TPRG1: variants seen among roughly 807,000 people sequenced by gnomAD.
The protein encoded by TPRG1 is tumor protein p63 regulated 1.
A neutral mutation model predicts 29.3 loss-of-function variants in TPRG1; 29 were observed. That is an observed-to-expected ratio of 0.99 (90% CI 0.74 to 1.35). The LOEUF (loss-of-function observed/expected upper bound fraction) is 1.35. Among genes scored for constraint, TPRG1 ranks in the 40% most tolerant of loss-of-function variants. The probability of loss-of-function intolerance (pLI) is 0.00; values close to 1 mark genes in which losing one functional copy is unlikely to be tolerated. For synonymous variants in TPRG1, 130 were observed against 116.8 expected, an observed-to-expected ratio of 1.11 and a Z score of -0.73; for missense variants, 327 against 335.0, an observed-to-expected ratio of 0.98 and a Z score of 0.19.
intron 2 of TPRG1, among the ~76,000 whole-genome samples, chr3:189,209,537 A>G (rs1398311940): frequency 6.6e-6 from 1 of 152,144 alleles, no homozygotes; most frequent in East Asian, 1.9e-4. Context: ...TCCCCAGAGC[A>G]ATACTGGGAG....
intron 1 of TPRG1, among the ~76,000 whole-genome samples, chr3:189,183,439 G>C (rs1578705761): frequency 6.6e-6 from 1 of 152,220 alleles, no homozygotes; most frequent in African/African-American, 2.4e-5. Flanking sequence ...ATCTTATCAG[G>C]AGAAGGGTTT....
intron 4 of TPRG1, among the ~76,000 whole-genome samples, chr3:189,282,263 A>G (rs1717283429): frequency 6.9e-6 from 1 of 145,620 alleles, no homozygotes; most frequent in South Asian, 2.2e-4. Context: ...AATCTTAGGC[A>G]TCAGTGGATA....
intron 3 of TPRG1, among the ~76,000 whole-genome samples, chr3:189,140,144 G>A (rs1724348262): frequency 6.6e-6 from 1 of 152,206 alleles, no homozygotes; most frequent in Non-Finnish European, 1.5e-5. Context: ...GAAAGAAGGT[G>A]AAGGACTCAG....
chr3:189,042,994 C>A (rs1177454812), intron 4 of TPRG1, among the ~76,000 whole-genome samples: 3 of 152,136 alleles, frequency 2.0e-5, no homozygotes, highest in Admixed American at 6.5e-5. Flanking sequence ...TAACCAGAGA[C>A]AATGACCACA....
chr3:189,159,009 C>T (rs1727088634), intron 5 of TPRG1, among the ~76,000 whole-genome samples: 1 of 151,378 alleles, frequency 6.6e-6, no homozygotes, highest in Admixed American at 6.6e-5. Flanking sequence ...ATTCTGAAAG[C>T]TGTTAAAAAA....
chr3:189,307,619 G>A (rs1721833580), intron 4 of TPRG1, among the ~76,000 whole-genome samples: 3 of 152,126 alleles, frequency 2.0e-5, no homozygotes, highest in Admixed American at 2.0e-4. Context: ...ATATTTTGTA[G>A]CCTTAGCCCA....
intron 4 of TPRG1, among the ~76,000 whole-genome samples, chr3:189,027,528 C>T (rs1040583923): frequency 2.0e-5 from 3 of 152,250 alleles, no homozygotes; most frequent in Non-Finnish European, 4.4e-5. Context: ...ATGGTGTATG[C>T]AAGACAAGCC....
intron 4 of TPRG1, among the ~76,000 whole-genome samples, chr3:189,093,172 A>G (rs1718449703): frequency 6.6e-6 from 1 of 152,190 alleles, no homozygotes; most frequent in Non-Finnish European, 1.5e-5. Context: ...GAAATAAAAG[A>G]AAGTAAACTC....
chr3:189,147,987 C>G (rs752819165), intron 4 of TPRG1, among the ~76,000 whole-genome samples: 1 of 152,166 alleles, frequency 6.6e-6, no homozygotes, highest in Non-Finnish European at 1.5e-5. Flanking sequence ...AATCCTTTCT[C>G]AATCTTCGAG....
chr3:189,020,580 A>C, intron 3 of TPRG1, among the ~76,000 whole-genome samples: 1 of 151,546 alleles, frequency 6.6e-6, no homozygotes, highest in East Asian at 1.9e-4. Flanking sequence ...GTTTGATTGC[A>C]CTGAGGTCTG....
chr3:189,179,084 T>C (rs1246824481), intron 1 of TPRG1, among the ~76,000 whole-genome samples: 1 of 152,334 alleles, frequency 6.6e-6, no homozygotes, highest in East Asian at 1.9e-4. Flanking sequence ...CTCACATTAA[T>C]GTCTTCCTCT....
chr3:189,238,134 T>C (rs1409146428), intron 3 of TPRG1, among the ~76,000 whole-genome samples: 1 of 152,192 alleles, frequency 6.6e-6, no homozygotes, highest in Non-Finnish European at 1.5e-5. Flanking sequence ...CTTATCTACT[T>C]TACTCTGGTT....
intron 4 of TPRG1, among the ~76,000 whole-genome samples, chr3:189,035,032 A>G (rs918686920): frequency 3.9e-5 from 6 of 152,202 alleles, no homozygotes; most frequent in African/African-American, 9.7e-5. Flanking sequence ...AAAAAACTTC[A>G]AACTATATTA....
At chr3:189,129,464 TC>T (rs1331775116) in intron 2 of TPRG1, among the ~76,000 whole-genome samples, 2 of 152,334 alleles carry the variant, frequency 1.3e-5, no homozygotes, top group South Asian at 2.1e-4. Context: ...GCTGGATTTT[TC>T]CACTGTAAAT....
intron 1 of TPRG1, among the ~76,000 whole-genome samples, chr3:189,193,747 T>C (rs886821898): frequency 2.6e-5 from 4 of 151,380 alleles, no homozygotes; most frequent in Non-Finnish European, 5.9e-5. Context: ...GCGGGATTTC[T>C]GTTTGCTGCT....
chr3:189,307,496 G>A (rs1721817762), intron 4 of TPRG1, among the ~76,000 whole-genome samples: 1 of 152,190 alleles, frequency 6.6e-6, no homozygotes, highest in Non-Finnish European at 1.5e-5. Context: ...GGGATCCGTA[G>A]GCAGGCTTTT....
At chr3:188,998,067 C>G (rs1191416395) in intron 1 of TPRG1, among the ~76,000 whole-genome samples, 1 of 152,204 alleles carries the variant, frequency 6.6e-6, no homozygotes, top group South Asian at 2.1e-4. Context: ...AAGGGTCAGG[C>G]ACGATTTTAG....
At chr3:189,064,397 C>T (rs768953210) in intron 4 of TPRG1, among the ~76,000 whole-genome samples, 5 of 151,884 alleles carry the variant, frequency 3.3e-5, no homozygotes, top group African/African-American at 1.2e-4. Flanking sequence ...TGGAGCAACT[C>T]AGGACAACTG....
At chr3:189,119,752 G>A (rs1367160994) in intron 1 of TPRG1, among the ~76,000 whole-genome samples, 2 of 152,288 alleles carry the variant, frequency 1.3e-5, no homozygotes, top group South Asian at 2.1e-4. Context: ...TGCCATGGTC[G>A]TAAGTTTCCT....
Sources: gnomAD v4.1 joint callset for allele counts (sites outside exome capture counted in the v4.1 genomes callset) on GRCh38, gnomAD v4.1.1 for gene constraint, MANE v1.5 for transcripts, NCBI Gene and HGNC (gene_info 2026-07-23, HGNC 2026-07-21) for gene names.